TYW3: variants seen among roughly 807,000 people sequenced by gnomAD.
TYW3 encodes the protein tRNA wybutosine-synthesizing protein 3 homolog.
In TYW3, 26 loss-of-function variants were observed where a neutral mutation model predicts 23.1. The observed-to-expected ratio is 1.13, with a 90% confidence interval of 0.83 to 1.56. The LOEUF (loss-of-function observed/expected upper bound fraction) is 1.56. Ranked by LOEUF, TYW3 falls within the 40% of genes most tolerant of loss-of-function variation. TYW3 has a pLI of 0.00. For synonymous variants in TYW3, 102 were observed against 105.7 expected, an observed-to-expected ratio of 0.97 and a Z score of 0.21; for missense variants, 316 against 311.9, an observed-to-expected ratio of 1.01 and a Z score of -0.10.
Position 74,764,361 on chromosome 1 carries a change from C to G in TYW3, c.*248C>G, listed in dbSNP as rs891907475. 1 of 339,408 alleles carries G rather than the reference C, an allele frequency of 2.9e-6. No homozygotes were observed. Among genetic ancestry groups the G allele is most frequent in the South Asian group, 8.4e-5 (1 of 11,972 alleles). 21.0% of individuals were successfully genotyped at this position (339,408 alleles called of 1,614,324 possible). On this transcript the variant is annotated 3_prime_UTR_variant, in exon 6 of 6. Transcript: ENST00000370867. ...GTTATCCCTACTTTTTTACCAGTTT[C>G]TCCCAGAAGCACCTGCTTAATAAAT...
chr1:74,763,442 CAA>C (rs1343721190), intron 5 of TYW3, among the ~76,000 whole-genome samples: 3 of 151,848 alleles, frequency 2.0e-5, no homozygotes, highest in East Asian at 1.9e-4. Context: ...CTAATTGTGA[CAA>C]ATAGGTATAT....
At chr1:74,747,492 CTGGGCGTAGTGG>C (rs1648605115) in intron 3 of TYW3, among the ~76,000 whole-genome samples, 1 of 150,942 alleles carries the variant, frequency 6.6e-6, no homozygotes, top group African/African-American at 2.4e-5. Context: ...AAAAAATTAG[CTGGGCGTAGTGG>C]CGGGCGCCTG....
Position 74,762,001 on chromosome 1 carries a change from G to A in TYW3, c.561-1893G>A, listed in dbSNP as rs144597094. 1.2e-3 allele frequency among the ~76,000 whole-genome samples: 175 copies of A among 152,120 alleles called. 1 individual carries two copies. The highest frequency in any genetic ancestry group is 3.9e-3 in the African/African-American group (162 of 41,514). On this transcript the variant is annotated intron_variant, in intron 5 of 5. Transcript: ENST00000370867. ...TGAAAGGATGTTACCATGGAACAAG[G>A]CCCAAAAAGTTATGTATGTCACGCA...
At position 74,754,833 on chromosome 1, in the gene TYW3, C is replaced by A. The variant is rs1156829086; in HGVS notation, c.560+2408C>A. Among the ~76,000 whole-genome samples the A allele has an allele frequency of 2.0e-5, 3 of 152,070 alleles. No individual in the cohort carries two copies. In the East Asian group the frequency reaches 5.8e-4, roughly 29 times the overall value. On this transcript the variant is annotated intron_variant, in intron 5 of 5. Transcript: ENST00000370867. ...GACAAGACCTTCAAGCAGCAGACTGCTTTATAAACAGCTAATTTGGAGACT... is the reference window on the plus strand; with the variant it reads ...GACAAGACCTTCAAGCAGCAGACTGATTTATAAACAGCTAATTTGGAGACT...
At chr1:74,744,105 G>A (rs1228601361) in intron 3 of TYW3, among the ~76,000 whole-genome samples, 4 of 152,120 alleles carry the variant, frequency 2.6e-5, no homozygotes, top group African/African-American at 9.7e-5. Flanking sequence ...CTGGGAGGGG[G>A]AGATTAGAGG....
intron 3 of TYW3, among the ~76,000 whole-genome samples, chr1:74,747,189 G>T (rs144880291): frequency 2.0e-5 from 3 of 152,156 alleles, no homozygotes; most frequent in Non-Finnish European, 2.9e-5. Context: ...AAAAGAGTGG[G>T]CAGTGGATGT....
chr1:74,739,461 T>C (rs561143545), intron 3 of TYW3, among the ~76,000 whole-genome samples: 9 of 152,340 alleles, frequency 5.9e-5, no homozygotes, highest in Middle Eastern at 3.4e-3. Flanking sequence ...CACTTGAAGA[T>C]AGGCTTCTCT....
At chr1:74,736,307 A>G in intron 1 of TYW3, 1 of 325,244 alleles carries the variant, frequency 3.1e-6, no homozygotes, top group Non-Finnish European at 5.7e-6. Context: ...ACCATATTTC[A>G]GAAGATGTTT....
At chr1:74,751,965 T>G (rs1219521511) in intron 4 of TYW3, among the ~76,000 whole-genome samples, 4 of 152,214 alleles carry the variant, frequency 2.6e-5, no homozygotes, top group African/African-American at 7.2e-5. Flanking sequence ...GAGGTTTTCT[T>G]TCTTTCTTTA....
intron 5 of TYW3, among the ~76,000 whole-genome samples, chr1:74,759,421 G>A (rs1375931521): frequency 6.7e-6 from 1 of 149,128 alleles, no homozygotes; most frequent in Admixed American, 6.7e-5. Context: ...TGTTGCCCAG[G>A]TTGGTTTCAA....
intron 5 of TYW3, among the ~76,000 whole-genome samples, chr1:74,760,626 C>T (rs537180235): frequency 5.3e-5 from 8 of 152,194 alleles, no homozygotes; most frequent in Non-Finnish European, 1.0e-4. Context: ...AGTTCTGTAG[C>T]TCCTGTTAAA....
chr1:74,740,964 G>C (rs994029339), intron 3 of TYW3, among the ~76,000 whole-genome samples: 1 of 151,564 alleles, frequency 6.6e-6, no homozygotes, highest in Non-Finnish European at 1.5e-5. Context: ...GGAATTTGGC[G>C]ATGACGGCTC....
Position 74,752,432 on chromosome 1 carries a change from TA to T in TYW3, c.560+9del. ...ACAAGAAAAGAATTGAGAGGTATAT[TA>T]ATTGGGTATTTCCATGTTATTCTTA... On this transcript the variant is annotated splice_region_variant and intron_variant, in intron 5 of 5. Transcript: ENST00000370867. The T allele has an allele frequency of 1.9e-6, 3 of 1,611,146 alleles. No individual in the cohort carries two copies. The highest frequency in any genetic ancestry group is 2.5e-6 in the Non-Finnish European group (3 of 1,178,248).
At chr1:74,748,627 C>T (rs958368621) in intron 3 of TYW3, 124 bp from the exon 4 acceptor site, 56 of 899,640 alleles carry the variant, frequency 6.2e-5, no homozygotes, top group South Asian at 3.7e-4. Flanking sequence ...ATTGGCTAGA[C>T]GAAAAATTTT....
chr1:74,734,197 G>T (rs1183871032), intron 1 of TYW3: 1 of 152,204 alleles, frequency 6.6e-6, no homozygotes, highest in African/African-American at 2.4e-5. Context: ...GTTTTAAATT[G>T]CATGCTGTTC....
At chr1:74,756,544 G>A (rs980495572) in intron 5 of TYW3, among the ~76,000 whole-genome samples, 5 of 152,134 alleles carry the variant, frequency 3.3e-5, no homozygotes, top group Admixed American at 6.6e-5. Context: ...TAGGGTATCC[G>A]GCAGAATTTC....
chr1:74,745,537 G>A (rs1167018948), intron 3 of TYW3, among the ~76,000 whole-genome samples: 1 of 152,066 alleles, frequency 6.6e-6, no homozygotes, highest in African/African-American at 2.4e-5. Flanking sequence ...GCGCTGATTG[G>A]TGCGTTATTA....
chr1:74,748,572 C>T, intron 3 of TYW3, 179 bp from the exon 4 acceptor site: 4 of 576,032 alleles, frequency 6.9e-6, no homozygotes, highest in South Asian at 4.4e-5. Context: ...AATATTTTTC[C>T]TGATGTTAGG....
At position 74,733,444 on chromosome 1, in the gene TYW3, C is replaced by T. The variant is rs374957716; in HGVS notation, c.174+26C>T. ...GTGAGGCCCCTTTGCGCCTGTCCAT[C>T]GCCTGCCTTCTAGTGCGAAACTTCA... On this transcript the variant is annotated intron_variant, in intron 1 of 5. Transcript: ENST00000370867. 1.8e-5 allele frequency: 29 copies of T among 1,612,066 alleles called. No homozygotes were observed. The African/African-American group carries it at 3.2e-4, about 18-fold the overall frequency.
Sources: allele counts gnomAD v4.1 joint callset (sites outside exome capture counted in the v4.1 genomes callset), GRCh38; gene constraint gnomAD v4.1.1; transcripts MANE v1.5; gene names NCBI Gene and HGNC (gene_info 2026-07-23, HGNC 2026-07-21).